Variants in SLC36A3 observed in about 807,000 individuals in gnomAD.
The protein encoded by SLC36A3 is solute carrier family 36 member 3, also known as proton-coupled amino acid transporter 3.
Under a neutral mutation model 44.3 loss-of-function variants are expected in SLC36A3, and 35 were observed. The observed-to-expected ratio is 0.79, with a 90% CI of 0.60 to 1.05. The LOEUF is 1.05. Among genes scored for constraint, SLC36A3 ranks in the 50% least tolerant of loss-of-function variants. SLC36A3 has a pLI of 0.00. For missense variants in SLC36A3, 540 were observed against 578.7 expected, an observed-to-expected ratio of 0.93 and a Z score of 0.69; for synonymous variants, 211 against 227.6, an observed-to-expected ratio of 0.93 and a Z score of 0.66.
intron 8 of SLC36A3, 144 bp downstream of exon 8, chr5:151,283,900 G>T: frequency 2.9e-6 from 3 of 1,020,406 alleles, no homozygotes; most frequent in East Asian, 2.8e-5. Context: ...TGCTTTGACT[G>T]ATGCAGTGTG....
At chr5:151,300,018 A>G (rs1327829880) in intron 1 of SLC36A3, among the ~76,000 whole-genome samples, 1 of 152,240 alleles carries the variant, frequency 6.6e-6, no homozygotes, top group Non-Finnish European at 1.5e-5. Context: ...GAAAAAGGCA[A>G]GCATGGGCTG....
At chr5:151,284,823 G>T in intron 6 of SLC36A3, 112 bp from the exon 7 acceptor site, 1 of 622,380 alleles carries the variant, frequency 1.6e-6, no homozygotes, top group Non-Finnish European at 2.8e-6. Flanking sequence ...AAAATCAGAA[G>T]ATACCTAGAC....
At position 151,276,709 on chromosome 5, in the gene SLC36A3, T is replaced by C. The variant is rs1754105187; in HGVS notation, c.*684A>G. The C allele has an allele frequency of 6.6e-6, 1 of 152,354 alleles. No individual in the cohort carries two copies. The highest frequency in any genetic ancestry group is 2.4e-5 in the African/African-American group (1 of 41,468). 9.4% of individuals were successfully genotyped at this position (152,354 alleles called of 1,614,324 possible). On this transcript the variant is annotated 3_prime_UTR_variant, in exon 10 of 10. Coordinates refer to ENST00000335230, the MANE Select transcript of SLC36A3 (RefSeq NM_181774.4). Reference sequence around the variant, plus strand: ...ACTACTTTCTATCCACATAGCAGGGTATGGAGTTTCAGTTACTCCACCTCC... The same window carrying C: ...ACTACTTTCTATCCACATAGCAGGGCATGGAGTTTCAGTTACTCCACCTCC...
intron 4 of SLC36A3, 145 bp downstream of exon 4, chr5:151,293,219 G>A (rs1754823619): frequency 1.5e-6 from 1 of 677,084 alleles, no homozygotes; most frequent in Non-Finnish European, 2.4e-6. Context: ...AGAGTGAGAT[G>A]GGGGATGGGG....
intron 4 of SLC36A3, among the ~76,000 whole-genome samples, chr5:151,292,563 A>C (rs1754799394): frequency 6.6e-6 from 1 of 152,264 alleles, no homozygotes; most frequent in Non-Finnish European, 1.5e-5. Context: ...GAACTAAGAC[A>C]GAGAAAACCA....
chr5:151,284,796 A>AC, intron 6 of SLC36A3, 85 bp from the exon 7 acceptor site: 1 of 916,838 alleles, frequency 1.1e-6, no homozygotes, highest in South Asian at 1.8e-5. Flanking sequence ...GCTGGGTCAC[A>AC]CCTGATCTCA....
intron 3 of SLC36A3, among the ~76,000 whole-genome samples, 185 bp from the exon 4 acceptor site, chr5:151,293,644 T>C (rs1754843554): frequency 6.6e-6 from 1 of 152,268 alleles, no homozygotes; most frequent in Non-Finnish European, 1.5e-5. Context: ...TTTTTTGCAA[T>C]TATCCCTTTA....
intron 4 of SLC36A3, among the ~76,000 whole-genome samples, chr5:151,289,271 AAGTCTCTTAC>A (rs1199470243): frequency 3.3e-5 from 5 of 152,122 alleles, no homozygotes; most frequent in African/African-American, 1.2e-4. Context: ...GCAGATGCTC[AAGTCTCTTAC>A]ATAAAAATGA....
At chr5:151,287,553 T>C in intron 5 of SLC36A3, 89 bp from the exon 6 acceptor site, 3 of 1,270,326 alleles carry the variant, frequency 2.4e-6, no homozygotes, top group Non-Finnish European at 3.3e-6. Context: ...TTAATGTAAC[T>C]TTTTAGTATA....
intron 1 of SLC36A3, among the ~76,000 whole-genome samples, chr5:151,302,270 G>T (rs946586440): frequency 6.6e-6 from 1 of 152,182 alleles, no homozygotes; most frequent in African/African-American, 2.4e-5. Flanking sequence ...AGATGAGAGA[G>T]GGCATTTCCT....
intron 6 of SLC36A3, among the ~76,000 whole-genome samples, chr5:151,285,826 C>G (rs13160642): frequency 0.16 from 24,654 of 152,078 alleles, 2,602 homozygotes; most frequent in East Asian, 0.3. Flanking sequence ...AGATGGAAGG[C>G]GGCCTGAGCC....
chr5:151,292,396 G>A (rs1404872379), intron 4 of SLC36A3, among the ~76,000 whole-genome samples: 1 of 152,104 alleles, frequency 6.6e-6, no homozygotes, highest in African/African-American at 2.4e-5. Context: ...GACTTTGCTG[G>A]GGAAGGCTCC....
intron 9 of SLC36A3, among the ~76,000 whole-genome samples, chr5:151,280,623 C>T (rs1253779411): frequency 6.6e-6 from 1 of 152,192 alleles, no homozygotes; most frequent in Non-Finnish European, 1.5e-5. Flanking sequence ...CAAATCCCAG[C>T]TTTGTCACTT....
chr5:151,284,050 T>C lies in SLC36A3; in HGVS notation c.968A>G (p.Asn323Ser), dbSNP rs371301171. 63 of 1,610,358 alleles carry C rather than the reference T, an allele frequency of 3.9e-5. No homozygotes were observed. Among genetic ancestry groups the C allele is most frequent in the South Asian group, 1.8e-4 (16 of 90,312 alleles). ...TGAGGTGGGCAGGACATACCAGCAA[T>C]TGGGCAAGTTGAGGGTGATGCTGGC... ...TQASITLNLP[N>S]CWLYQSVKLM... is the part of the protein sequence containing the mutation. The change falls in exon 8 of 10, where the codon AAT becomes AGT. Residue 323 changes from asparagine to serine, a missense_variant. By Grantham distance (46) the Asn-to-Ser change is conservative. Coordinates refer to ENST00000335230, the MANE Select transcript of SLC36A3 (RefSeq NM_181774.4).
rs549684319 is a variant in SLC36A3 at position 151,286,224 on chromosome 5, A to T, written c.708+1022T>A. Reference sequence around the variant, plus strand: ...TCCATGGGAGAACTAATGTTCCAGGACCTCCCGTGGATACCAAATCTGCAA... The same window carrying T: ...TCCATGGGAGAACTAATGTTCCAGGTCCTCCCGTGGATACCAAATCTGCAA... On this transcript the variant is annotated intron_variant, in intron 6 of 9. Transcript: ENST00000335230. Among the ~76,000 whole-genome samples, 302 of 152,286 alleles carry T rather than the reference A, an allele frequency of 2.0e-3. 1 individual carries two copies. The highest frequency in any genetic ancestry group is 7.0e-3 in the African/African-American group (291 of 41,556).
In SLC36A3 at chr5:151,293,326, A is replaced by T. The variant is rs56390949; in HGVS notation, c.404+38T>A. ...AGAAATAAAGAAAAGTGATATGATG[A>T]TTTTTGTTGTTACTACTACAACATC... On this transcript the variant is annotated intron_variant, in intron 4 of 9. Coordinates refer to ENST00000335230, the MANE Select transcript of SLC36A3 (RefSeq NM_181774.4). The T allele has an allele frequency of 5.0e-3, 7,746 of 1,543,024 alleles. 300 individuals carry two copies. The African/African-American group carries it at 0.088, about 18-fold the overall frequency.
chr5:151,283,119 C>G (rs1754391820), intron 8 of SLC36A3, among the ~76,000 whole-genome samples: 1 of 152,188 alleles, frequency 6.6e-6, no homozygotes, highest in South Asian at 2.1e-4. Flanking sequence ...CTCCTGACCT[C>G]AGGTGATCCA....
rs542025378 is a variant in SLC36A3, at chr5:151,303,479, G to T, written c.-125C>A. 1 of 1,082,718 alleles carries T rather than the reference G, an allele frequency of 9.2e-7. No homozygotes were observed. The highest frequency in any genetic ancestry group is 1.3e-6 in the Non-Finnish European group (1 of 757,538). The allele number at this position is 1,082,718 out of a possible 1,614,324, so 67.1% of individuals were successfully genotyped here. On this transcript the variant is annotated 5_prime_UTR_variant, in exon 1 of 10. Transcript: ENST00000335230. ...TGCTGGCTCCTAACCCCAAGGATGC[G>T]TGCTGCTGGCTGAAGCCTGAAGTGC...
At position 151,303,229 on chromosome 5, in the gene SLC36A3, T is replaced by C. The variant is rs1333661042; in HGVS notation, c.126A>G (p.Leu42=). 14 of 1,612,524 alleles carry C rather than the reference T, an allele frequency of 8.7e-6. No individual in the cohort carries two copies. The highest frequency in any genetic ancestry group is 1.2e-5 in the Non-Finnish European group (14 of 1,179,024). The change falls in exon 1 of 10, where the codon CTA becomes CTG. Residue 42 remains leucine (L), a splice_region_variant and synonymous_variant. Coordinates refer to ENST00000335230, the MANE Select transcript of SLC36A3 (RefSeq NM_181774.4). ...GGAAGGGCGGTGCGGCCACTTACGATAGTCCAGCTTCTCCAGCAGGATGGA... is the reference window on the plus strand; with the variant it reads ...GGAAGGGCGGTGCGGCCACTTACGACAGTCCAGCTTCTCCAGCAGGATGGA... ...ENVHPAGEAG[L]SMMQTLIHLL...
Sources: allele counts gnomAD v4.1 joint callset (sites outside exome capture counted in the v4.1 genomes callset), GRCh38; gene constraint gnomAD v4.1.1; transcripts MANE v1.5; gene names NCBI Gene and HGNC (gene_info 2026-07-23, HGNC 2026-07-21).